CTNND2: variants seen among roughly 807,000 people sequenced by gnomAD.
CTNND2 encodes the protein catenin delta-2.
In CTNND2, 22 loss-of-function variants were observed where a neutral mutation model predicts 144.4. The observed-to-expected ratio is 0.15, with a 90% CI of 0.11 to 0.22. The LOEUF (loss-of-function observed/expected upper bound fraction) is 0.22, where lower values mean the gene tolerates loss of function less well. CTNND2 is among the 10% of genes least tolerant of loss of function. CTNND2 has a pLI of 1.00. For missense variants in CTNND2, 1,353 were observed against 1,618.8 expected, an observed-to-expected ratio of 0.84 and a Z score of 2.82; for synonymous variants, 751 against 695.6, an observed-to-expected ratio of 1.08 and a Z score of -1.25.
At chr5:11,853,053 AT>A (rs1381287518) in intron 1 of CTNND2, among the ~76,000 whole-genome samples, 1 of 152,152 alleles carries the variant, frequency 6.6e-6, no homozygotes, top group East Asian at 1.9e-4. Flanking sequence ...GCCTGTCAAA[AT>A]TGGAAAACAC....
chr5:11,406,515 G>A (rs909207504), intron 5 of CTNND2, among the ~76,000 whole-genome samples: 5 of 152,108 alleles, frequency 3.3e-5, no homozygotes, highest in South Asian at 2.1e-4. Context: ...TGCTTAACAC[G>A]AATTATGAAA....
chr5:11,358,337 T>A (rs546841129), intron 8 of CTNND2, among the ~76,000 whole-genome samples: 1 of 152,210 alleles, frequency 6.6e-6, no homozygotes, highest in Non-Finnish European at 1.5e-5. Context: ...TATACCTTTT[T>A]AAGTGAATCC....
chr5:11,589,820 A>G (rs1477158999), intron 2 of CTNND2, among the ~76,000 whole-genome samples: 1 of 152,230 alleles, frequency 6.6e-6, no homozygotes, highest in African/African-American at 2.4e-5. Context: ...CAAGTTATTT[A>G]AAACAGAGGT....
At chr5:11,755,545 G>T (rs1443563225) in intron 1 of CTNND2, among the ~76,000 whole-genome samples, 2 of 151,180 alleles carry the variant, frequency 1.3e-5, no homozygotes, top group African/African-American at 2.4e-5. Flanking sequence ...TTTCCAAGTT[G>T]CTTGCTTACT....
At chr5:11,223,795 G>T (rs1164337548) in intron 10 of CTNND2, among the ~76,000 whole-genome samples, 1 of 152,224 alleles carries the variant, frequency 6.6e-6, no homozygotes, top group East Asian at 1.9e-4. Context: ...CCAAGGCCAA[G>T]ACAAGCCTCT....
At chr5:11,204,240 G>A (rs896250083) in intron 10 of CTNND2, among the ~76,000 whole-genome samples, 1 of 152,234 alleles carries the variant, frequency 6.6e-6, no homozygotes, top group Admixed American at 6.5e-5. Flanking sequence ...GTTGTTTACA[G>A]TGAGGGCATT....
rs768019453 is a variant in CTNND2, at chr5:11,443,353, GA to G, written c.288-31285del. Among the ~76,000 whole-genome samples the G allele has an allele frequency of 1.4e-3, 78 of 55,940 alleles. 3 individuals carry two copies. Among genetic ancestry groups the G allele is most frequent in the East Asian group, 5.8e-3 (10 of 1,724 alleles). The allele number at this position is 55,940 out of a possible 152,430, so 36.7% of individuals were successfully genotyped here. A position where few individuals can be genotyped will look rare whatever the true frequency, so the allele number is the denominator to read the frequency against. ...TGTGGTGTGTGTGGGGAGTGTGTGGGAGGGTGTGTGGGGGGGTGTGGCATGA... is the reference window on the plus strand; with the variant it reads ...TGTGGTGTGTGTGGGGAGTGTGTGGGGGGTGTGTGGGGGGGTGTGGCATGA... On this transcript the variant is annotated intron_variant, in intron 3 of 21. Coordinates refer to ENST00000304623, the MANE Select transcript of CTNND2 (RefSeq NM_001332.4).
intron 2 of CTNND2, among the ~76,000 whole-genome samples, chr5:11,618,366 A>G (rs1780677288): frequency 6.6e-6 from 1 of 152,188 alleles, no homozygotes; most frequent in Admixed American, 6.5e-5. Flanking sequence ...AGTTAGTGAG[A>G]TTAATAAAAC....
intron 3 of CTNND2, among the ~76,000 whole-genome samples, chr5:11,519,086 C>T (rs1415831171): frequency 2.6e-5 from 4 of 151,792 alleles, no homozygotes; most frequent in African/African-American, 9.7e-5. Flanking sequence ...TTCTCCCTAA[C>T]ATCATCATTG....
chr5:11,382,381 T>C (rs778372972), intron 7 of CTNND2, among the ~76,000 whole-genome samples: 25 of 152,010 alleles, frequency 1.6e-4, no homozygotes, highest in Non-Finnish European at 3.4e-4. Context: ...AGCAGATCAC[T>C]TGAGGTCAGG....
intron 1 of CTNND2, among the ~76,000 whole-genome samples, chr5:11,758,591 C>G (rs1789082913): frequency 1.3e-5 from 2 of 151,906 alleles, no homozygotes; most frequent in South Asian, 2.1e-4. Context: ...CATGCTTATT[C>G]AAAACTCCAA....
rs1289941330 is a variant in CTNND2, at chr5:11,101,608, T to TGACC, written c.2464-2864_2464-2861dup. Among the ~76,000 whole-genome samples, 9 of 152,228 alleles carry TGACC rather than the reference T, an allele frequency of 5.9e-5. 1 individual carries two copies. Among genetic ancestry groups the TGACC allele is most frequent in the Admixed American group, 5.9e-4 (9 of 15,290 alleles). The stretch of plus-strand genomic sequence containing the variant: ...TTAATCTGTAACATAATTGAAGCAG[T>TGACC]GACCACACAGTGATTCAGCCCTGAA... On this transcript the variant is annotated intron_variant, in intron 14 of 21. Coordinates refer to ENST00000304623, the MANE Select transcript of CTNND2 (RefSeq NM_001332.4).
intron 3 of CTNND2, among the ~76,000 whole-genome samples, chr5:11,443,467 G>A (rs1764528697): frequency 6.6e-6 from 1 of 151,138 alleles, no homozygotes; most frequent in South Asian, 2.1e-4. Flanking sequence ...CGGTGTGTGT[G>A]TGTGCATACA....
At chr5:11,387,614 C>T (rs528835882) in intron 6 of CTNND2, among the ~76,000 whole-genome samples, 1 of 152,162 alleles carries the variant, frequency 6.6e-6, no homozygotes, top group Admixed American at 6.5e-5. Context: ...ACAAAAATTT[C>T]TGAAAACCCT....
At chr5:11,186,984 G>A (rs370591539) in intron 11 of CTNND2, among the ~76,000 whole-genome samples, 3 of 152,152 alleles carry the variant, frequency 2.0e-5, no homozygotes, top group Non-Finnish European at 2.9e-5. Context: ...GTGGGTGTTC[G>A]TAAATGTATG....
chr5:11,180,364 C>A (rs1049039105), intron 11 of CTNND2, among the ~76,000 whole-genome samples: 1 of 152,156 alleles, frequency 6.6e-6, no homozygotes, highest in African/African-American at 2.4e-5. Context: ...TCAGGAAGTT[C>A]TTTATAGCAG....
chr5:11,073,325 T>C (rs529352742), intron 16 of CTNND2, among the ~76,000 whole-genome samples: 11 of 152,352 alleles, frequency 7.2e-5, no homozygotes, highest in African/African-American at 1.2e-4. Context: ...TCATTTCTCA[T>C]GCATCCTCTT....
At chr5:11,090,366 C>T (rs968585) in intron 15 of CTNND2, among the ~76,000 whole-genome samples, 28,397 of 152,220 alleles carry the variant, frequency 0.19, 3,281 homozygotes, top group Middle Eastern at 0.3. Context: ...AATTGGTGGA[C>T]TAGGACTTCC....
chr5:11,702,798 T>C (rs1429937331), intron 2 of CTNND2, among the ~76,000 whole-genome samples: 1 of 152,234 alleles, frequency 6.6e-6, no homozygotes, highest in Non-Finnish European at 1.5e-5. Flanking sequence ...CCACTTTGAC[T>C]GCAATGCTTT....
Sources: gnomAD v4.1 joint callset for allele counts (sites outside exome capture counted in the v4.1 genomes callset) on GRCh38, gnomAD v4.1.1 for gene constraint, MANE v1.5 for transcripts, NCBI Gene and HGNC (gene_info 2026-07-23, HGNC 2026-07-21) for gene names.